The following LSMEM1 variants were observed in gnomAD, a reference collection of about 807,000 sequenced individuals.
The protein encoded by LSMEM1 is leucine rich single-pass membrane protein 1, also known as leucine-rich single-pass membrane protein 1.
Under a neutral mutation model 11.3 loss-of-function variants are expected in LSMEM1, and 10 were observed. The observed-to-expected ratio is 0.89, with a 90% CI of 0.55 to 1.50. LSMEM1 has a LOEUF of 1.50. Among genes scored for constraint, LSMEM1 ranks in the 40% most tolerant of loss-of-function variants. LSMEM1 has a pLI of 0.00. For synonymous variants in LSMEM1, 65 were observed against 59.3 expected (o/e 1.10, Z -0.44); for missense variants, 151 against 152.9 (o/e 0.99, Z 0.06).
At chr7:112,482,204 T>A (rs1796045640) in intron 1 of LSMEM1, among the ~76,000 whole-genome samples, 1 of 152,234 alleles carries the variant, frequency 6.6e-6, no homozygotes, top group Non-Finnish European at 1.5e-5. Flanking sequence ...AGCATATATT[T>A]ACATTGTGAC....
intron 2 of LSMEM1, among the ~76,000 whole-genome samples, chr7:112,485,441 A>G (rs34058139): frequency 0.022 from 3,292 of 152,300 alleles, 47 homozygotes; most frequent in Middle Eastern, 0.051. Context: ...CTAAGTGTGT[A>G]TCTTGCCTCC....
At chr7:112,487,143 C>A in intron 3 of LSMEM1, 92 bp downstream of exon 3, 2 of 1,391,198 alleles carry the variant, frequency 1.4e-6, no homozygotes, top group Non-Finnish European at 2.0e-6. Context: ...ACCCTCCAGT[C>A]AATGCTTCCT....
intron 2 of LSMEM1, chr7:112,486,334 C>T (rs1410713710): frequency 4.5e-6 from 2 of 448,418 alleles, no homozygotes; most frequent in African/African-American, 4.0e-5. Flanking sequence ...CACAAAAATT[C>T]ATGTTCTGCT....
At chr7:112,482,970 C>A (rs911988595) in intron 1 of LSMEM1, among the ~76,000 whole-genome samples, 1 of 152,094 alleles carries the variant, frequency 6.6e-6, no homozygotes, top group African/African-American at 2.4e-5. Context: ...TAGTCCATGA[C>A]TTTTTGAGCT....
upstream of LSMEM1, among the ~76,000 whole-genome samples, chr7:112,480,427 G>A (rs1290015787): frequency 6.6e-6 from 1 of 152,172 alleles, no homozygotes; most frequent in Non-Finnish European, 1.5e-5. Flanking sequence ...TTTCAAAGAT[G>A]AATAATGTCC....
intron 1 of LSMEM1, among the ~76,000 whole-genome samples, chr7:112,482,288 G>T (rs1235876510): frequency 6.6e-6 from 1 of 152,206 alleles, no homozygotes; most frequent in African/African-American, 2.4e-5. Flanking sequence ...TTTTTTTGGA[G>T]TCACCTTTTG....
chr7:112,489,739 A>T, intron 3 of LSMEM1, 71 bp from the exon 4 acceptor site: 1 of 1,528,458 alleles, frequency 6.5e-7, no homozygotes, highest in Non-Finnish European at 8.9e-7. Flanking sequence ...GAGCACCAAC[A>T]TGGGGATCTG....
intron 3 of LSMEM1, among the ~76,000 whole-genome samples, chr7:112,487,873 C>T (rs1003882397): frequency 6.6e-6 from 1 of 152,244 alleles, no homozygotes; most frequent in African/African-American, 2.4e-5. Context: ...GGGAAGGTGT[C>T]ATCTTTGATA....
At chr7:112,485,043 G>C in intron 2 of LSMEM1, 100 bp downstream of exon 2, 1 of 1,347,962 alleles carries the variant, frequency 7.4e-7, no homozygotes, top group South Asian at 1.5e-5. Flanking sequence ...GAGGGGGAGG[G>C]GGCATTAGGA....
Position 112,486,946 on chromosome 7 carries a change from C to A in LSMEM1, c.151C>A (p.Leu51Ile), listed in dbSNP as rs566127850. The change falls in exon 3 of 4, where the codon CTT becomes ATT. Residue 51 changes from leucine to isoleucine, a missense_variant. Transcript: ENST00000312849. Reference protein sequence around the residue: ...LFPLEDKIPVLGTNSGNGSRS... With the variant: ...LFPLEDKIPVIGTNSGNGSRS... ...AGCTCTAGAGGACAAAATCCCAGTC[C>A]TTGGCACAAACTCAGGAAATGGAAG... The A allele has an allele frequency of 8.7e-6, 14 of 1,614,122 alleles. No individual in the cohort carries two copies. The East Asian group carries it at 2.5e-4, about 28-fold the overall frequency.
Position 112,484,893 on chromosome 7 carries a change from A to C in LSMEM1, c.77A>C (p.Asn26Thr). ...DGKLYVVDSI[N>T]DLNKLNLCPA... ...AAGCTTTATGTGGTGGATTCCATAA[A>C]TGACTTAAACAAACTAAACCTCTGT... is the stretch of plus-strand genomic sequence containing the variant. Residue 26 changes from asparagine to threonine, a missense_variant, in exon 2 of 4, where the codon AAT becomes ACT. By Grantham distance (65) the Asn-to-Thr change is moderately conservative. Transcript: ENST00000312849. 6.2e-7 allele frequency: 1 copy of C among 1,613,786 alleles called. No individual in the cohort carries two copies. Among genetic ancestry groups the C allele is most frequent in the Non-Finnish European group, 8.5e-7 (1 of 1,179,784 alleles).
intron 2 of LSMEM1, chr7:112,486,370 A>G (rs1304659458): frequency 2.2e-6 from 1 of 454,602 alleles, no homozygotes; most frequent in Non-Finnish European, 4.4e-6. Context: ...CAGTCTTCAA[A>G]GAACTTTCCA....
chr7:112,486,724 C>T (rs893185378), intron 2 of LSMEM1, 199 bp from the exon 3 acceptor site: 31 of 555,048 alleles, frequency 5.6e-5, no homozygotes, highest in South Asian at 4.5e-4. Context: ...TGCAGTGAGC[C>T]GAGATCAAGC....
At chr7:112,488,376 T>C (rs1318879327) in intron 3 of LSMEM1, among the ~76,000 whole-genome samples, 1 of 152,186 alleles carries the variant, frequency 6.6e-6, no homozygotes, top group East Asian at 1.9e-4. Flanking sequence ...CTGGGGGTAA[T>C]GACGGAGTTA....
In LSMEM1 at chr7:112,484,803, T is replaced by C. The variant is rs1483706660; in HGVS notation, c.-5-9T>C. The C allele has an allele frequency of 3.7e-6, 6 of 1,611,176 alleles. No individual in the cohort carries two copies. Among genetic ancestry groups the C allele is most frequent in the Non-Finnish European group, 5.1e-6 (6 of 1,178,536 alleles). On this transcript the variant is annotated splice_polypyrimidine_tract_variant and intron_variant, in intron 1 of 3. Coordinates refer to ENST00000312849, the MANE Select transcript of LSMEM1 (RefSeq NM_182597.3). Reference sequence around the variant, plus strand: ...ACCTCTTGTTTTTAACATCAGTGTTTTCTTCCAGGGACAATGACTCATTCT... The same window carrying C: ...ACCTCTTGTTTTTAACATCAGTGTTCTCTTCCAGGGACAATGACTCATTCT...
intron 3 of LSMEM1, among the ~76,000 whole-genome samples, chr7:112,487,971 A>G (rs1796167534): frequency 6.6e-6 from 1 of 152,186 alleles, no homozygotes; most frequent in South Asian, 2.1e-4. Context: ...AATTTCATTC[A>G]GGATTAGAGG....
intron 3 of LSMEM1, among the ~76,000 whole-genome samples, chr7:112,488,893 A>C (rs1291015586): frequency 6.6e-6 from 1 of 152,144 alleles, no homozygotes; most frequent in Non-Finnish European, 1.5e-5. Context: ...CACCGTGCCC[A>C]GCCAAATCCA....
chr7:112,488,140 G>GGAGGGGTCATGTTTAATTGCTTCT (rs1213580295), intron 3 of LSMEM1, among the ~76,000 whole-genome samples: 7 of 152,164 alleles, frequency 4.6e-5, no homozygotes, highest in African/African-American at 1.7e-4. Context: ...GGACTGGGAG[G>GGAGGGGTCATGTTTAATTGCTTCT]GAGGGGTCAT....
chr7:112,490,089 T>C lies in LSMEM1; in HGVS notation c.*140T>C. The C allele has an allele frequency of 2.2e-6, 2 of 921,126 alleles. No homozygotes were observed. Among genetic ancestry groups the C allele is most frequent in the East Asian group, 5.2e-5 (2 of 38,700 alleles). 57.1% of individuals were successfully genotyped at this position (921,126 alleles called of 1,614,324 possible). On this transcript the variant is annotated 3_prime_UTR_variant, in exon 4 of 4. Coordinates refer to ENST00000312849, the MANE Select transcript of LSMEM1 (RefSeq NM_182597.3). Reference sequence around the variant, plus strand: ...GGCAACCCACCCCTGGGGCCCACTTTCTGCAGCAAGATGGGAGCAATTCCA... The same window carrying C: ...GGCAACCCACCCCTGGGGCCCACTTCCTGCAGCAAGATGGGAGCAATTCCA...
Sources: gnomAD v4.1 joint callset for allele counts (sites outside exome capture counted in the v4.1 genomes callset) on GRCh38, gnomAD v4.1.1 for gene constraint, MANE v1.5 for transcripts, NCBI Gene and HGNC (gene_info 2026-07-23, HGNC 2026-07-21) for gene names.